RPGRIP1: variants seen among roughly 807,000 people sequenced by gnomAD.
RPGRIP1 encodes RPGR interacting protein 1.
A neutral mutation model predicts 157.9 loss-of-function variants in RPGRIP1; 128 were observed. The observed-to-expected ratio is 0.81, with a 90% CI of 0.70 to 0.94. The LOEUF is 0.94. Among genes scored for constraint, RPGRIP1 ranks in the 40% least tolerant of loss-of-function variants. RPGRIP1 has a pLI of 0.00. For missense variants in RPGRIP1, 1,486 were observed against 1,545.8 expected (o/e 0.96, Z 0.65); for synonymous variants, 554 against 571.6 (o/e 0.97, Z 0.44).
chr14:21,344,608 C>T (rs1027884788), intron 22 of RPGRIP1, among the ~76,000 whole-genome samples: 12 of 152,110 alleles, frequency 7.9e-5, no homozygotes, highest in African/African-American at 2.7e-4. Flanking sequence ...TCTTTTTTTC[C>T]TACCCTCATA....
chr14:21,321,812 A>C, intron 13 of RPGRIP1, 42 bp from the exon 14 acceptor site: 2 of 1,592,812 alleles, frequency 1.3e-6, no homozygotes, highest in Non-Finnish European at 1.7e-6. Flanking sequence ...CTTTGGTTTT[A>C]GGCCACTGAG....
chr14:21,314,712 T>A (rs1162736830), intron 10 of RPGRIP1, among the ~76,000 whole-genome samples: 1 of 101,720 alleles, frequency 9.8e-6, no homozygotes, highest in Non-Finnish European at 2.0e-5. Flanking sequence ...AAACTCTGTC[T>A]CGAAAAAAAA....
Position 21,348,705 on chromosome 14 carries a change from G to A in RPGRIP1, c.3748+403G>A, listed in dbSNP as rs1003021614. On this transcript the variant is annotated intron_variant, in intron 24 of 24. Transcript: ENST00000400017. ...TTTTGAGATGGAGCCTCACTCTGTC[G>A]CCCAGGCTGGAGTGCAGTGGTGTGA... Among the ~76,000 whole-genome samples, 33 of 125,086 alleles carry A rather than the reference G, an allele frequency of 2.6e-4. 1 individual carries two copies. The highest frequency in any genetic ancestry group is 9.7e-3 in the Middle Eastern group (2 of 206). The allele number at this position is 125,086 out of a possible 152,430, so 82.1% of individuals were successfully genotyped here. A position where few individuals can be genotyped will look rare whatever the true frequency, so the allele number is the denominator to read the frequency against.
intron 1 of RPGRIP1, among the ~76,000 whole-genome samples, chr14:21,285,922 T>C (rs961482517): frequency 1.5e-4 from 23 of 151,848 alleles, no homozygotes; most frequent in African/African-American, 5.6e-4. Flanking sequence ...TTAAAAAATG[T>C]GGTAGTTGAG....
At chr14:21,320,491 C>T (rs1026605830) in intron 12 of RPGRIP1, among the ~76,000 whole-genome samples, 1 of 151,894 alleles carries the variant, frequency 6.6e-6, no homozygotes, top group Non-Finnish European at 1.5e-5. Flanking sequence ...CGGGGTTTCA[C>T]CGTGTTAGCC....
chr14:21,335,403 A>G (rs949323188), intron 21 of RPGRIP1, among the ~76,000 whole-genome samples: 7 of 152,100 alleles, frequency 4.6e-5, no homozygotes, highest in African/African-American at 1.7e-4. Context: ...AGAGGACAGG[A>G]TTCTTCATGG....
In RPGRIP1 at chr14:21,350,391, A is replaced by AAAAAAAAAAAAAC. The variant is rs61359212; in HGVS notation, c.3749-708_3749-707insAAAAAAACAAAAA. On this transcript the variant is annotated intron_variant, in intron 24 of 24. Coordinates refer to ENST00000400017, the MANE Select transcript of RPGRIP1 (RefSeq NM_020366.4). ...ACTCTGTCTCCAAAAAAAAAAAAAA[A>AAAAAAAAAAAAAC]AAAAAGAAAACAGGAATTAAGAGTA... Among the ~76,000 whole-genome samples, 4 of 142,790 alleles carry AAAAAAAAAAAAAC rather than the reference A, an allele frequency of 2.8e-5. 1 individual carries two copies. The highest frequency in any genetic ancestry group is 1.1e-4 in the African/African-American group (4 of 37,928). The allele number at this position is 142,790 out of a possible 152,430, so 93.7% of individuals were successfully genotyped here.
At chr14:21,350,648 T>C (rs1223322695) in intron 24 of RPGRIP1, among the ~76,000 whole-genome samples, 1 of 152,186 alleles carries the variant, frequency 6.6e-6, no homozygotes, top group Non-Finnish European at 1.5e-5. Flanking sequence ...GCAGTCTCTA[T>C]CTTACTGAGT....
chr14:21,337,753 A>ATT lies in RPGRIP1; in HGVS notation c.3339+3072_3339+3073dup, dbSNP rs60322777. Reference sequence around the variant, plus strand: ...CCACTGCGCCCGGCCTAGGTTAAGCATTTTTTTTTTTTTTTTTTTTTTTTT... The same window carrying ATT: ...CCACTGCGCCCGGCCTAGGTTAAGCATTTTTTTTTTTTTTTTTTTTTTTTTTT... On this transcript the variant is annotated intron_variant, in intron 21 of 24. Transcript: ENST00000400017. Among the ~76,000 whole-genome samples the ATT allele has an allele frequency of 4.1e-4, 40 of 98,288 alleles. 1 individual carries two copies. Among genetic ancestry groups the ATT allele is most frequent in the Non-Finnish European group, 5.9e-4 (30 of 50,706 alleles). 64.5% of individuals were successfully genotyped at this position (98,288 alleles called of 152,430 possible).
intron 21 of RPGRIP1, among the ~76,000 whole-genome samples, chr14:21,342,755 G>A: frequency 6.6e-6 from 1 of 152,084 alleles, no homozygotes; most frequent in Non-Finnish European, 1.5e-5. Flanking sequence ...TATATGTGGA[G>A]ATGACTGAGA....
At chr14:21,329,973 T>C (rs1334686633) in intron 19 of RPGRIP1, among the ~76,000 whole-genome samples, 1 of 149,982 alleles carries the variant, frequency 6.7e-6, no homozygotes, top group Non-Finnish European at 1.5e-5. Flanking sequence ...GAAAAATTAG[T>C]CAGGTGTGGT....
At chr14:21,308,709 C>G (rs1400508811) in intron 7 of RPGRIP1, among the ~76,000 whole-genome samples, 1 of 152,092 alleles carries the variant, frequency 6.6e-6, no homozygotes, top group African/African-American at 2.4e-5. Flanking sequence ...GAAGAAGCTC[C>G]CCTGTACTGA....
rs774271975 is a variant in RPGRIP1, at chr14:21,328,622, C to CT, written c.3094_3095insT (p.Pro1032LeufsTer8). Reference sequence around the variant, plus strand: ...CCTTAACATCTTAAATGGAAATACACCAGAGGTAAGACCTTAAAAACTCTG... The same window carrying CT: ...CCTTAACATCTTAAATGGAAATACACTCAGAGGTAAGACCTTAAAAACTCTG... On this transcript the variant is annotated frameshift_variant, in exon 19 of 25. Coordinates refer to ENST00000400017, the MANE Select transcript of RPGRIP1 (RefSeq NM_020366.4). LOFTEE classifies it high-confidence loss of function. 1.8e-5 allele frequency: 29 copies of CT among 1,608,118 alleles called. No homozygotes were observed. The highest frequency in any genetic ancestry group is 2.5e-5 in the Non-Finnish European group (29 of 1,174,744).
intron 13 of RPGRIP1, 129 bp from the exon 14 acceptor site, chr14:21,321,725 C>A: frequency 2.0e-6 from 2 of 995,788 alleles, no homozygotes; most frequent in Admixed American, 2.8e-5. Context: ...GGAAATCAAA[C>A]CTTCTTCTAG....
rs543597442 is a variant in RPGRIP1 at position 21,307,845 on chromosome 14, CCAT to C, written c.906+15_906+17del. 210 of 1,471,772 alleles carry C rather than the reference CCAT, an allele frequency of 1.4e-4. No individual in the cohort carries two copies. The African/African-American group carries it at 2.7e-3, about 19-fold the overall frequency. 91.2% of individuals were successfully genotyped at this position (1,471,772 alleles called of 1,614,324 possible). A position where few individuals can be genotyped will look rare whatever the true frequency, so the allele number is the denominator to read the frequency against. On this transcript the variant is annotated intron_variant, in intron 7 of 24. Transcript: ENST00000400017. ...TAACAGAAGTTCAAGAGGTGAGTTG[CCAT>C]CATCAGCTGTGCTTTCTTGGTGGGG...
chr14:21,299,470 T>G (rs771367337), intron 3 of RPGRIP1, among the ~76,000 whole-genome samples: 25 of 152,098 alleles, frequency 1.6e-4, no homozygotes. Context: ...TTTGGGCAAG[T>G]TACATAGCTA....
At chr14:21,291,822 C>A (rs578174942) in intron 2 of RPGRIP1, among the ~76,000 whole-genome samples, 2 of 151,974 alleles carry the variant, frequency 1.3e-5, no homozygotes, top group Middle Eastern at 3.4e-3. Flanking sequence ...GGCAACGGTG[C>A]GATCTTGGCC....
At chr14:21,311,342 A>G (rs1028237464) in intron 8 of RPGRIP1, among the ~76,000 whole-genome samples, 6 of 152,202 alleles carry the variant, frequency 3.9e-5, no homozygotes, top group African/African-American at 7.2e-5. Context: ...ACCTAAGGTC[A>G]GGAGTTCGAG....
intron 21 of RPGRIP1, 43 bp from the exon 22 acceptor site, chr14:21,342,993 C>T (rs1885172193): frequency 3.4e-6 from 5 of 1,470,654 alleles, no homozygotes; most frequent in Non-Finnish European, 4.7e-6. Context: ...GCACTTGGAG[C>T]CTCACTAACC....
Sources: gnomAD v4.1 joint callset for allele counts (sites outside exome capture counted in the v4.1 genomes callset) on GRCh38, gnomAD v4.1.1 for gene constraint, MANE v1.5 for transcripts, NCBI Gene and HGNC (gene_info 2026-07-23, HGNC 2026-07-21) for gene names.